RPAP3: variants seen among roughly 807,000 people sequenced by gnomAD.
RPAP3 encodes RNA polymerase II associated protein 3.
A neutral mutation model predicts 88.8 loss-of-function variants in RPAP3; 58 were observed. The observed-to-expected ratio is 0.65, with a 90% CI of 0.53 to 0.81. RPAP3 has a LOEUF of 0.81. Ranked by LOEUF, RPAP3 falls within the 40% of genes least tolerant of loss-of-function variation. The pLI, the probability that RPAP3 is intolerant of heterozygous loss-of-function variation, is 0.00. For synonymous variants in RPAP3, 255 were observed against 259.9 expected, an observed-to-expected ratio of 0.98 and a Z score of 0.18; for missense variants, 751 against 764.3, an observed-to-expected ratio of 0.98 and a Z score of 0.20.
intron 3 of RPAP3, among the ~76,000 whole-genome samples, chr12:47,698,558 G>C (rs1939583523): frequency 6.6e-6 from 1 of 151,356 alleles, no homozygotes; most frequent in Non-Finnish European, 1.5e-5. Flanking sequence ...CTGTTGCCTA[G>C]GCTGGAGTGC....
At chr12:47,688,862 A>G (rs1182648304) in intron 7 of RPAP3, among the ~76,000 whole-genome samples, 1 of 152,236 alleles carries the variant, frequency 6.6e-6, no homozygotes, top group Non-Finnish European at 1.5e-5. Flanking sequence ...GTGGGATAAA[A>G]AAATAATAAT....
Position 47,667,034 on chromosome 12 carries a change from C to A in RPAP3, c.1858G>T (p.Glu620Ter). Residue 620 changes from glutamate (E) to a stop codon, truncating the protein, a stop_gained, in exon 16 of 17, where the codon GAA becomes TAA. Coordinates refer to ENST00000005386, the MANE Select transcript of RPAP3 (RefSeq NM_024604.3). LOFTEE classifies it high-confidence loss of function. Reference protein sequence around the residue: ...LIFEILQRLSELKRFDMAVMF... With the variant: ...LIFEILQRLS ...ACTGCCATATCAAACCTTTTTAGTT[C>A]AGAAAGTCTTTGTAAGATTTCAAAG... 6.6e-7 allele frequency: 1 copy of A among 1,525,658 alleles called. No homozygotes were observed. Among genetic ancestry groups the A allele is most frequent in the South Asian group, 1.3e-5 (1 of 75,844 alleles). The allele number at this position is 1,525,658 out of a possible 1,614,324, so 94.5% of individuals were successfully genotyped here. A position where few individuals can be genotyped will look rare whatever the true frequency, so the allele number is the denominator to read the frequency against.
intron 13 of RPAP3, among the ~76,000 whole-genome samples, chr12:47,669,845 T>A (rs1288807705): frequency 1.3e-5 from 2 of 152,070 alleles, no homozygotes; most frequent in African/African-American, 4.8e-5. Flanking sequence ...ATCCTAGAAA[T>A]GAAAATTTTT....
rs536993888 is a variant in RPAP3, at chr12:47,671,114, G to A, written c.1288-769C>T. On this transcript the variant is annotated intron_variant, in intron 12 of 16. Transcript: ENST00000005386. ...ATTGTTTATCTCAATCACTACACAC[G>A]TGTCATTTTCAACTTATGTTGATAT... is the stretch of plus-strand genomic sequence containing the variant. Among the ~76,000 whole-genome samples, 12 of 152,012 alleles carry A rather than the reference G, an allele frequency of 7.9e-5. No homozygotes were observed. In the South Asian group the frequency reaches 1.2e-3, roughly 16 times the overall value.
intron 1 of RPAP3, among the ~76,000 whole-genome samples, chr12:47,703,659 C>G (rs1258003040): frequency 6.6e-6 from 1 of 151,934 alleles, no homozygotes; most frequent in South Asian, 2.1e-4. Flanking sequence ...CAAAGGGGCC[C>G]GCCAAGTGAC....
At chr12:47,691,894 C>T (rs1939436935) in intron 5 of RPAP3, among the ~76,000 whole-genome samples, 2 of 152,140 alleles carry the variant, frequency 1.3e-5, no homozygotes, top group South Asian at 2.1e-4. Flanking sequence ...TACAGGTGCC[C>T]GCCACCACGC....
At chr12:47,676,230 G>T (rs1267774341) in intron 12 of RPAP3, among the ~76,000 whole-genome samples, 1 of 152,126 alleles carries the variant, frequency 6.6e-6, no homozygotes, top group African/African-American at 2.4e-5. Context: ...AGAATCTCTG[G>T]GACACATTTA....
chr12:47,686,435 G>A lies in RPAP3; in HGVS notation c.992+345C>T, dbSNP rs1416760133. ...GCGACTAGAGAAAAACTGGTAAACTGTGTAATGCCAGACTTAAAAGCGGGA... is the reference window on the plus strand; with the variant it reads ...GCGACTAGAGAAAAACTGGTAAACTATGTAATGCCAGACTTAAAAGCGGGA... On this transcript the variant is annotated intron_variant, in intron 9 of 16. Transcript: ENST00000005386. Among the ~76,000 whole-genome samples, 3 of 152,118 alleles carry A rather than the reference G, an allele frequency of 2.0e-5. No individual in the cohort carries two copies. The East Asian group carries it at 5.8e-4, about 29-fold the overall frequency.
intron 9 of RPAP3, among the ~76,000 whole-genome samples, chr12:47,686,311 T>C (rs755745148): frequency 4.6e-5 from 7 of 152,250 alleles, no homozygotes; most frequent in African/African-American, 9.6e-5. Flanking sequence ...TCTTTTGTTA[T>C]ACATGTATGT....
intron 4 of RPAP3, among the ~76,000 whole-genome samples, chr12:47,697,174 T>C (rs1278921497): frequency 6.6e-6 from 1 of 152,204 alleles, no homozygotes; most frequent in Non-Finnish European, 1.5e-5. Context: ...TAACCAAAGA[T>C]AGCCTTTGAT....
chr12:47,685,101 G>C (rs1028230002), intron 9 of RPAP3, among the ~76,000 whole-genome samples: 1 of 152,110 alleles, frequency 6.6e-6, no homozygotes, highest in Non-Finnish European at 1.5e-5. Context: ...TATTTTGGCC[G>C]GGCGCGGTGG....
rs1250452397 is a variant in RPAP3, at chr12:47,706,014, C to G, written c.-69G>C. On this transcript the variant is annotated 5_prime_UTR_variant, in exon 1 of 17. Transcript: ENST00000005386. ...AGCCCCGCAGCGACTCACGCCGAGCCCGGCAGTGACTCACGCAAAGCCCCG... is the reference window on the plus strand; with the variant it reads ...AGCCCCGCAGCGACTCACGCCGAGCGCGGCAGTGACTCACGCAAAGCCCCG... The G allele has an allele frequency of 6.5e-6, 1 of 152,744 alleles. No homozygotes were observed. Among genetic ancestry groups the G allele is most frequent in the Admixed American group, 6.5e-5 (1 of 15,304 alleles). 9.5% of individuals were successfully genotyped at this position (152,744 alleles called of 1,614,324 possible).
At chr12:47,696,678 C>A (rs969018003) in intron 4 of RPAP3, among the ~76,000 whole-genome samples, 3 of 152,034 alleles carry the variant, frequency 2.0e-5, no homozygotes, top group African/African-American at 7.3e-5. Flanking sequence ...CACTTCTACA[C>A]AGTGAAATAT....
intron 12 of RPAP3, 23 bp from the exon 13 acceptor site, chr12:47,670,368 C>G: frequency 7.3e-7 from 1 of 1,375,946 alleles, no homozygotes; most frequent in Non-Finnish European, 1.0e-6. Flanking sequence ...AAATCAATTC[C>G]TTAAATCAAA....
At chr12:47,671,217 T>C (rs1053225952) in intron 12 of RPAP3, among the ~76,000 whole-genome samples, 13 of 152,132 alleles carry the variant, frequency 8.5e-5, no homozygotes, top group African/African-American at 3.1e-4. Context: ...AGAAATACAC[T>C]GAGGAGCTAT....
chr12:47,702,287 T>C (rs1015973945), intron 2 of RPAP3, among the ~76,000 whole-genome samples: 4 of 152,174 alleles, frequency 2.6e-5, no homozygotes, highest in Admixed American at 6.5e-5. Context: ...GGCTCATGCC[T>C]GTAATCCCAG....
intron 9 of RPAP3, among the ~76,000 whole-genome samples, chr12:47,686,577 C>CA (rs1555182568): frequency 1.4e-4 from 21 of 150,166 alleles, no homozygotes; most frequent in Non-Finnish European, 2.5e-4. Flanking sequence ...CACACACACA[C>CA]TACTTTTCCC....
In RPAP3 at chr12:47,690,508, TAGA is replaced by T; in HGVS notation, c.667+7_667+9del. 1 of 1,592,006 alleles carries T rather than the reference TAGA, an allele frequency of 6.3e-7. No individual in the cohort carries two copies. Among genetic ancestry groups the T allele is most frequent in the Non-Finnish European group, 8.6e-7 (1 of 1,169,588 alleles). ...GTTAAAGAATTCTTTAGAGAGTGAC[TAGA>T]AAATACCTTTTTTGGCCTCTTCTAA... is the stretch of plus-strand genomic sequence containing the variant. On this transcript the variant is annotated splice_region_variant and intron_variant, in intron 6 of 16. Coordinates refer to ENST00000005386, the MANE Select transcript of RPAP3 (RefSeq NM_024604.3).
intron 9 of RPAP3, among the ~76,000 whole-genome samples, chr12:47,682,783 G>A (rs1003305920): frequency 7.9e-5 from 12 of 151,282 alleles, no homozygotes; most frequent in African/African-American, 1.7e-4. Context: ...TCAGAATTTC[G>A]AATGAACTTA....
Sources: gnomAD v4.1 joint callset for allele counts (sites outside exome capture counted in the v4.1 genomes callset) on GRCh38, gnomAD v4.1.1 for gene constraint, MANE v1.5 for transcripts, NCBI Gene and HGNC (gene_info 2026-07-23, HGNC 2026-07-21) for gene names.